Variants in IRAK2 observed in about 807,000 individuals in gnomAD.
IRAK2 encodes the protein interleukin-1 receptor-associated kinase-like 2.
In IRAK2, 57 loss-of-function variants were observed where a neutral mutation model predicts 72.0. The observed-to-expected ratio is 0.79, with a 90% CI of 0.64 to 0.99. The LOEUF is 0.99. Among genes scored for constraint, IRAK2 ranks in the 50% least tolerant of loss-of-function variants. The pLI is 0.00. For synonymous variants in IRAK2, 293 were observed against 312.7 expected, an observed-to-expected ratio of 0.94 and a Z score of 0.67; for missense variants, 790 against 794.4, an observed-to-expected ratio of 0.99 and a Z score of 0.07.
chr3:10,166,537 G>A (rs975930086), intron 1 of IRAK2, among the ~76,000 whole-genome samples: 2 of 152,228 alleles, frequency 1.3e-5, no homozygotes, highest in Admixed American at 6.5e-5. Flanking sequence ...GTAAACTGGA[G>A]ATGATAATTA....
In IRAK2 at chr3:10,196,304, G is replaced by A. The variant is rs563392095; in HGVS notation, c.278-4065G>A. Reference sequence around the variant, plus strand: ...TAATTTTTGTATTTTTAGTAGAGACGGGGTTTCGCCATGTTGGCCAGGCTG... The same window carrying A: ...TAATTTTTGTATTTTTAGTAGAGACAGGGTTTCGCCATGTTGGCCAGGCTG... On this transcript the variant is annotated intron_variant, in intron 2 of 12. Coordinates refer to ENST00000256458, the MANE Select transcript of IRAK2 (RefSeq NM_001570.4). 1.1e-4 allele frequency among the ~76,000 whole-genome samples: 16 copies of A among 152,274 alleles called. No homozygotes were observed. In the East Asian group the frequency reaches 1.4e-3, roughly 13 times the overall value.
intron 4 of IRAK2, among the ~76,000 whole-genome samples, chr3:10,212,275 T>G (rs1697532878): frequency 6.6e-6 from 1 of 152,182 alleles, no homozygotes; most frequent in South Asian, 2.1e-4. Context: ...TTGTAAAGTT[T>G]CTTAAAACAT....
At chr3:10,176,144 T>G (rs1398879143) in intron 1 of IRAK2, among the ~76,000 whole-genome samples, 3 of 151,352 alleles carry the variant, frequency 2.0e-5, no homozygotes, top group Non-Finnish European at 4.4e-5. Context: ...TGCATTATTT[T>G]TATTGTTACT....
chr3:10,187,073 ATGT>A (rs1203749170), intron 2 of IRAK2, among the ~76,000 whole-genome samples: 1 of 150,282 alleles, frequency 6.7e-6, no homozygotes, highest in Admixed American at 6.6e-5. Flanking sequence ...TTTGAGTGTC[ATGT>A]TGTTGCTCAA....
intron 12 of IRAK2, among the ~76,000 whole-genome samples, chr3:10,239,621 G>T (rs1253046547): frequency 6.6e-6 from 1 of 152,002 alleles, no homozygotes; most frequent in Non-Finnish European, 1.5e-5. Context: ...CAGCTACTTG[G>T]GAGGCTGAGG....
chr3:10,196,741 C>T (rs1180085490), intron 2 of IRAK2, among the ~76,000 whole-genome samples: 2 of 152,184 alleles, frequency 1.3e-5, no homozygotes, highest in Non-Finnish European at 2.9e-5. Context: ...GGTCTTGTTC[C>T]CCGCTGAGCC....
At chr3:10,212,493 G>A (rs934670807) in intron 4 of IRAK2, among the ~76,000 whole-genome samples, 2 of 152,062 alleles carry the variant, frequency 1.3e-5, no homozygotes, top group Non-Finnish European at 2.9e-5. Context: ...GACCAAGAGT[G>A]CTGAGCTCGG....
At position 10,242,222 on chromosome 3, in the gene IRAK2, C is replaced by A. The variant is rs776847412; in HGVS notation, c.1872C>A (p.Gly624=). Residue 624 remains glycine (G), a synonymous_variant, in exon 13 of 13, where the codon GGC becomes GGA. Coordinates refer to ENST00000256458, the MANE Select transcript of IRAK2 (RefSeq NM_001570.4). ...AAGTGGACAGCATTGAGCTCTTTGG[C>A]CCCTGATGACCGGAACACAGCTGAG... The part of the protein sequence containing the change: ...EEKVDSIELF[G]P The A allele has an allele frequency of 1.9e-6, 3 of 1,588,196 alleles. No individual in the cohort carries two copies. Among genetic ancestry groups the A allele is most frequent in the South Asian group, 2.2e-5 (2 of 90,164 alleles).
chr3:10,220,019 C>T (rs532189525), intron 8 of IRAK2, among the ~76,000 whole-genome samples: 1 of 152,306 alleles, frequency 6.6e-6, no homozygotes, highest in South Asian at 2.1e-4. Context: ...AATTGCCTAC[C>T]TGTCACATTT....
intron 2 of IRAK2, among the ~76,000 whole-genome samples, chr3:10,179,237 T>C (rs1047654979): frequency 1.3e-5 from 2 of 152,040 alleles, no homozygotes; most frequent in Non-Finnish European, 2.9e-5. Context: ...TTTGCCCCTA[T>C]TGAGATGTGT....
chr3:10,198,128 A>G (rs13319966), intron 2 of IRAK2, among the ~76,000 whole-genome samples: 7,117 of 151,726 alleles, frequency 0.047, 503 homozygotes, highest in African/African-American at 0.15. Context: ...GAGCCCGAGA[A>G]TCGGAGCTTG....
chr3:10,211,779 A>T (rs889155213), intron 4 of IRAK2, among the ~76,000 whole-genome samples: 1 of 152,052 alleles, frequency 6.6e-6, no homozygotes, highest in African/African-American at 2.4e-5. Context: ...TATGTAACTT[A>T]AAAAAATTGA....
At chr3:10,182,159 G>C (rs1422747679) in intron 2 of IRAK2, among the ~76,000 whole-genome samples, 1 of 151,872 alleles carries the variant, frequency 6.6e-6, no homozygotes, top group Non-Finnish European at 1.5e-5. Flanking sequence ...GTAGAGACGG[G>C]GGTTTCACCA....
intron 9 of IRAK2, among the ~76,000 whole-genome samples, chr3:10,223,770 G>A (rs1262142386): frequency 6.6e-6 from 1 of 152,212 alleles, no homozygotes; most frequent in East Asian, 1.9e-4. Flanking sequence ...TAACAGTCAG[G>A]TTGGCTTCAG....
intron 12 of IRAK2, 80 bp downstream of exon 12, chr3:10,239,119 C>T: frequency 8.0e-7 from 1 of 1,250,316 alleles, no homozygotes; most frequent in Non-Finnish European, 1.1e-6. Context: ...TTTCTGTTGC[C>T]TTCATTCACT....
chr3:10,174,392 T>C (rs570791079), intron 1 of IRAK2, among the ~76,000 whole-genome samples: 1 of 152,194 alleles, frequency 6.6e-6, no homozygotes, highest in Non-Finnish European at 1.5e-5. Flanking sequence ...TGGTCCCTTG[T>C]AACTCTTAGG....
chr3:10,177,426 A>G (rs913481406), intron 1 of IRAK2, among the ~76,000 whole-genome samples: 2 of 152,108 alleles, frequency 1.3e-5, no homozygotes, highest in Admixed American at 6.6e-5. Context: ...TCCACTCTGA[A>G]CCAGGCACTA....
Position 10,242,190 on chromosome 3 carries a change from G to C in IRAK2, c.1840G>C (p.Glu614Gln). 2.5e-6 allele frequency: 4 copies of C among 1,613,590 alleles called. No individual in the cohort carries two copies. Among genetic ancestry groups the C allele is most frequent in the Non-Finnish European group, 3.4e-6 (4 of 1,179,646 alleles). ...GATGGAGAATATTCTGCTCTACAAA[G>C]AGGAAAAAGTGGACAGCATTGAGCT... ...KLMENILLYK[E>Q]EKVDSIELFG... is the part of the protein sequence containing the mutation. The change falls in exon 13 of 13, where the codon GAG becomes CAG. Residue 614 changes from glutamate (E) to glutamine (Q), a missense_variant. By Grantham distance (29) the Glu-to-Gln change is conservative (BLOSUM62 2). Coordinates refer to ENST00000256458, the MANE Select transcript of IRAK2 (RefSeq NM_001570.4).
At chr3:10,180,991 G>A (rs1449849889) in intron 2 of IRAK2, among the ~76,000 whole-genome samples, 1 of 152,008 alleles carries the variant, frequency 6.6e-6, no homozygotes, top group Non-Finnish European at 1.5e-5. Context: ...TTCCAGCACA[G>A]GACGGTGGCT....
Sources: gnomAD v4.1 joint callset for allele counts (sites outside exome capture counted in the v4.1 genomes callset) on GRCh38, gnomAD v4.1.1 for gene constraint, MANE v1.5 for transcripts, NCBI Gene and HGNC (gene_info 2026-07-23, HGNC 2026-07-21) for gene names.